DKK3: variants seen among roughly 807,000 people sequenced by gnomAD.
The protein encoded by DKK3 is dickkopf Wnt signaling pathway inhibitor 3, also known as dickkopf-related protein 3.
In DKK3, 22 loss-of-function variants were observed where a neutral mutation model predicts 33.2. The observed-to-expected ratio is 0.66, with a 90% confidence interval of 0.47 to 0.95. DKK3 has a LOEUF of 0.95. Among genes scored for constraint, DKK3 ranks in the 40% least tolerant of loss-of-function variants. The pLI is 0.00. For synonymous variants in DKK3, 194 were observed against 188.8 expected, an observed-to-expected ratio of 1.03 and a Z score of -0.23; for missense variants, 398 against 458.4, an observed-to-expected ratio of 0.87 and a Z score of 1.20.
At chr11:11,989,207 C>A (rs1848136422) in intron 3 of DKK3, among the ~76,000 whole-genome samples, 1 of 152,052 alleles carries the variant, frequency 6.6e-6, no homozygotes, top group African/African-American at 2.4e-5. Flanking sequence ...GGGTATATAT[C>A]CAAAAGAAGT....
At chr11:11,995,817 CA>C (rs1448051875) in intron 3 of DKK3, among the ~76,000 whole-genome samples, 2 of 152,236 alleles carry the variant, frequency 1.3e-5, no homozygotes, top group Non-Finnish European at 2.9e-5. Context: ...CGTCAGACCA[CA>C]TCCCCATCAG....
chr11:11,988,666 G>A (rs559189960), intron 3 of DKK3, among the ~76,000 whole-genome samples: 2 of 152,366 alleles, frequency 1.3e-5, no homozygotes, highest in East Asian at 3.9e-4. Context: ...CCTCTGGGGA[G>A]TCTTTGAGGA....
intron 3 of DKK3, among the ~76,000 whole-genome samples, chr11:11,976,252 G>A (rs951073641): frequency 2.6e-5 from 4 of 152,210 alleles, no homozygotes; most frequent in African/African-American, 7.2e-5. Flanking sequence ...GCTCTGGAGG[G>A]GAAGACAAGA....
chr11:11,991,562 C>G (rs1456400044), intron 3 of DKK3, among the ~76,000 whole-genome samples: 1 of 151,756 alleles, frequency 6.6e-6, no homozygotes, highest in Non-Finnish European at 1.5e-5. Context: ...TCTACAAAAA[C>G]AAAAAAACAG....
chr11:11,976,688 G>C (rs1354982879), intron 3 of DKK3, among the ~76,000 whole-genome samples: 1 of 152,216 alleles, frequency 6.6e-6, no homozygotes, highest in African/African-American at 2.4e-5. Flanking sequence ...AGCTGTGCCT[G>C]CTGCAGGAGG....
intron 2 of DKK3, among the ~76,000 whole-genome samples, chr11:11,999,749 C>T (rs896857054): frequency 6.6e-6 from 1 of 152,220 alleles, no homozygotes; most frequent in African/African-American, 2.4e-5. Flanking sequence ...AGTATGTCAC[C>T]TGGAACAAAT....
chr11:11,964,822 T>C, intron 6 of DKK3, 136 bp from the exon 7 acceptor site: 1 of 1,451,020 alleles, frequency 6.9e-7, no homozygotes, highest in Non-Finnish European at 9.2e-7. Flanking sequence ...ACAGAGACAC[T>C]TCACTTCCCG....
chr11:11,974,910 A>C (rs1305450641), intron 3 of DKK3, among the ~76,000 whole-genome samples: 2 of 152,180 alleles, frequency 1.3e-5, no homozygotes, highest in Non-Finnish European at 2.9e-5. Flanking sequence ...CTTGAAAAAA[A>C]AAAGAATAAC....
intron 3 of DKK3, chr11:11,979,708 A>G (rs1032460751): frequency 1.3e-5 from 2 of 152,412 alleles, no homozygotes; most frequent in Admixed American, 6.5e-5. Context: ...ACAATGTGGC[A>G]GCAAGGAGGC....
At chr11:11,965,747 C>A in intron 6 of DKK3, 62 bp downstream of exon 6, 1 of 1,575,360 alleles carries the variant, frequency 6.3e-7, no homozygotes, top group East Asian at 2.2e-5. Flanking sequence ...GCTCCTACGC[C>A]CCTGCTGGAT....
In DKK3 at chr11:11,981,347, C is replaced by T. The variant is rs183169872; in HGVS notation, c.436-12860G>A. On this transcript the variant is annotated intron_variant, in intron 3 of 6. Coordinates refer to ENST00000683431, the MANE Select transcript of DKK3 (RefSeq NM_001018057.2). ...GAAAAGAGCCTCTAGATGGCTCCAG[C>T]GCTGGTCATTGAGTACCCTGGCTTC... is the stretch of plus-strand genomic sequence containing the variant. Among the ~76,000 whole-genome samples, 25 of 152,292 alleles carry T rather than the reference C, an allele frequency of 1.6e-4. No homozygotes were observed. In the East Asian group the frequency reaches 4.6e-3, roughly 28 times the overall value.
At chr11:11,965,727 A>G in intron 6 of DKK3, 82 bp downstream of exon 6, 1 of 1,518,538 alleles carries the variant, frequency 6.6e-7, no homozygotes, top group Non-Finnish European at 8.8e-7. Flanking sequence ...CCCAGGGAAA[A>G]CCTGCTCCTG....
Position 11,970,312 on chromosome 11 carries a change from A to C in DKK3, c.436-1825T>G, listed in dbSNP as rs375229832. 5.3e-5 allele frequency among the ~76,000 whole-genome samples: 8 copies of C among 152,230 alleles called. 1 individual carries two copies. In the South Asian group the frequency reaches 1.4e-3, roughly 28 times the overall value. On this transcript the variant is annotated intron_variant, in intron 3 of 6. Transcript: ENST00000683431. Reference sequence around the variant, plus strand: ...AGAAAGAGCAACCCAGTGGCAAAGGAGACAAAGGGTATGAACGGACAACTT... The same window carrying C: ...AGAAAGAGCAACCCAGTGGCAAAGGCGACAAAGGGTATGAACGGACAACTT...
chr11:11,998,290 G>T (rs1848341515), intron 3 of DKK3: 1 of 300,962 alleles, frequency 3.3e-6, no homozygotes, highest in African/African-American at 2.2e-5. Context: ...TCCACATAAG[G>T]TGTTCTTGTT....
At chr11:11,989,232 T>C (rs186322185) in intron 3 of DKK3, among the ~76,000 whole-genome samples, 3 of 152,280 alleles carry the variant, frequency 2.0e-5, no homozygotes, top group Admixed American at 6.5e-5. Flanking sequence ...GCATTTGATA[T>C]GAAAGAATAT....
In DKK3 at chr11:12,003,747, TAA is replaced by T. The variant is rs67334199; in HGVS notation, c.214-1312_214-1311del. ...TATGGGCTATTTTTATTTTTTTTTT[TAA>T]AAAAAGAATGCTCAAAAAGTATTTT... On this transcript the variant is annotated intron_variant, in intron 1 of 6. Transcript: ENST00000683431. Among the ~76,000 whole-genome samples, 12 of 150,450 alleles carry T rather than the reference TAA, an allele frequency of 8.0e-5. No homozygotes were observed. In the East Asian group the frequency reaches 9.7e-4, roughly 12 times the overall value.
chr11:11,968,382 C>T lies in DKK3; in HGVS notation c.528+13G>A. On this transcript the variant is annotated intron_variant, in intron 4 of 6. Coordinates refer to ENST00000683431, the MANE Select transcript of DKK3 (RefSeq NM_001018057.2). The stretch of plus-strand genomic sequence containing the variant: ...CCCTGGTGCCACAGCCCCAGAGGCC[C>T]TGGCATACTCACCATCCTCTGGCCC... 2 of 1,609,228 alleles carry T rather than the reference C, an allele frequency of 1.2e-6. No individual in the cohort carries two copies. Among genetic ancestry groups the T allele is most frequent in the Non-Finnish European group, 8.5e-7 (1 of 1,177,102 alleles).
chr11:11,989,574 C>T (rs1041534859), intron 3 of DKK3, among the ~76,000 whole-genome samples: 1 of 151,958 alleles, frequency 6.6e-6, no homozygotes, highest in African/African-American at 2.4e-5. Flanking sequence ...ATGGAGGTTG[C>T]CAGGGGATTG....
Position 11,966,963 on chromosome 11 carries a change from AG to A in DKK3, c.663del (p.Phe222SerfsTer35). On this transcript the variant is annotated frameshift_variant, in exon 5 of 7. Coordinates refer to ENST00000683431, the MANE Select transcript of DKK3 (RefSeq NM_001018057.2). LOFTEE classifies it high-confidence loss of function. ...AGGGGAGGCCACTCACCTCTCTGGA[AG>A]GCACAGCACAGCCCCGGCTGGCAGT... ...QRDCQPGLCCAFQRGLLFPVC... is the reference protein window; with the variant it reads ...QRDCQPGLCCXFQRGLLFPVC... 6.2e-7 allele frequency: 1 copy of A among 1,613,844 alleles called. No individual in the cohort carries two copies. The highest frequency in any genetic ancestry group is 8.5e-7 in the Non-Finnish European group (1 of 1,179,858).
Sources: gnomAD v4.1 joint callset for allele counts (sites outside exome capture counted in the v4.1 genomes callset) on GRCh38, gnomAD v4.1.1 for gene constraint, MANE v1.5 for transcripts, NCBI Gene and HGNC (gene_info 2026-07-23, HGNC 2026-07-21) for gene names.